SCN9A: variants seen among roughly 807,000 people sequenced by gnomAD.
The protein encoded by SCN9A is sodium channel protein type 9 subunit alpha.
SCN9A carries 131 observed loss-of-function variants against 187.0 expected under a neutral mutation model. The ratio of observed to expected loss-of-function variants is 0.70; its 90% CI spans 0.61 to 0.81. The LOEUF (loss-of-function observed/expected upper bound fraction) is 0.81. Ranked by LOEUF, SCN9A falls within the 30% of genes least tolerant of loss-of-function variation. The pLI is 0.00. For synonymous variants in SCN9A, 809 were observed against 808.6 expected (o/e 1.00, Z -0.01); for missense variants, 2,252 against 2,396.6 (o/e 0.94, Z 1.26).
Position 166,283,610 on chromosome 2 carries a change from T to G in SCN9A, c.1974+843A>C, listed in dbSNP as rs1023753549. On this transcript the variant is annotated intron_variant, in intron 12 of 26. Transcript: ENST00000642356. Reference sequence around the variant, plus strand: ...TTAGTGACTCGTAGACCTTTGGAACTGCTGTAAAATGATTGTTTTGCTTTT... The same window carrying G: ...TTAGTGACTCGTAGACCTTTGGAACGGCTGTAAAATGATTGTTTTGCTTTT... Among the ~76,000 whole-genome samples, 3 of 152,204 alleles carry G rather than the reference T, an allele frequency of 2.0e-5. No individual in the cohort carries two copies. The East Asian group carries it at 5.8e-4, about 29-fold the overall frequency.
rs200625860 is a variant in SCN9A, at chr2:166,198,455, C to T, written c.*217G>A. ...CTTTTGTATGCTATAATCAATAATTCCTACAGAGTTCTCTTACGATTCTTA... is the reference window on the plus strand; with the variant it reads ...CTTTTGTATGCTATAATCAATAATTTCTACAGAGTTCTCTTACGATTCTTA... On this transcript the variant is annotated 3_prime_UTR_variant, in exon 27 of 27. Transcript: ENST00000642356. 1.6e-4 allele frequency: 82 copies of T among 510,508 alleles called. 4 individuals are homozygous for T. In the South Asian group the frequency reaches 2.6e-3, roughly 16 times the overall value. The allele number at this position is 510,508 out of a possible 1,614,324, so 31.6% of individuals were successfully genotyped here.
chr2:166,340,725 A>G (rs1574944281), intron 1 of SCN9A, among the ~76,000 whole-genome samples: 1 of 150,512 alleles, frequency 6.6e-6, no homozygotes, highest in Non-Finnish European at 1.5e-5. Flanking sequence ...GATTCAAGTG[A>G]CCCTCCCACC....
chr2:166,353,166 C>G (rs1700079506), intron 1 of SCN9A, among the ~76,000 whole-genome samples: 1 of 149,638 alleles, frequency 6.7e-6, no homozygotes, highest in Admixed American at 6.7e-5. Context: ...TCCAGCCTGA[C>G]CAACATGATG....
chr2:166,228,125 T>G (rs1217581268), intron 22 of SCN9A, among the ~76,000 whole-genome samples: 1 of 152,030 alleles, frequency 6.6e-6, no homozygotes, highest in East Asian at 1.9e-4. Flanking sequence ...TGAAGCAATA[T>G]TTGAATGGTG....
intron 17 of SCN9A, among the ~76,000 whole-genome samples, chr2:166,270,382 T>C (rs776969423): frequency 7.2e-5 from 11 of 151,920 alleles, no homozygotes; most frequent in African/African-American, 1.2e-4. Flanking sequence ...CCATTTTATA[T>C]AAAGGAATTG....
chr2:166,278,086 C>A, intron 15 of SCN9A, 54 bp downstream of exon 15: 4 of 1,415,880 alleles, frequency 2.8e-6, no homozygotes, highest in East Asian at 2.5e-5. Flanking sequence ...AATGCAAAAC[C>A]AAAGAAATAC....
chr2:166,227,628 C>A (rs751875734), intron 23 of SCN9A, 42 bp downstream of exon 23: 2 of 1,136,942 alleles, frequency 1.8e-6, no homozygotes, highest in South Asian at 1.3e-5. Flanking sequence ...AACTAAGAAG[C>A]TTTTAAAAAT....
intron 17 of SCN9A, among the ~76,000 whole-genome samples, chr2:166,256,354 G>T (rs527472129): frequency 2.1e-4 from 32 of 149,144 alleles, no homozygotes; most frequent in Admixed American, 1.3e-3. Context: ...TTTTTGATAT[G>T]AAATTTCTCA....
At chr2:166,229,736 CCTTT>C (rs767051550) in intron 21 of SCN9A, among the ~76,000 whole-genome samples, 1 of 152,106 alleles carries the variant, frequency 6.6e-6, no homozygotes, top group Non-Finnish European at 1.5e-5. Flanking sequence ...TTTCTTTAAT[CCTTT>C]CTTTATTTCT....
chr2:166,288,635 A>T lies in SCN9A; in HGVS notation c.1116T>A (p.Arg372=), dbSNP rs1220975824. The change falls in exon 10 of 27, where the codon CGT becomes CGA. Residue 372 remains arginine, a synonymous_variant. Transcript: ENST00000642356. ...YWENLYQQTL[R]AAGKTYMIFF... ...AGATCATGTAGGTTTTGCCAGCAGC[A>T]CGCAGCGTCTAGGGAAAAATGGAAA... 1.3e-6 allele frequency: 2 copies of T among 1,586,786 alleles called. No individual in the cohort carries two copies. Among genetic ancestry groups the T allele is most frequent in the Admixed American group, 3.5e-5 (2 of 57,884 alleles).
intron 1 of SCN9A, among the ~76,000 whole-genome samples, chr2:166,325,777 C>T (rs966137213): frequency 1.3e-5 from 2 of 152,078 alleles, no homozygotes; most frequent in African/African-American, 2.4e-5. Flanking sequence ...CTCTGAGATT[C>T]TCATTTTACT....
chr2:166,271,894 G>A lies in SCN9A; in HGVS notation c.3351+505C>T, dbSNP rs181197098. On this transcript the variant is annotated intron_variant, in intron 17 of 26. Coordinates refer to ENST00000642356, the MANE Select transcript of SCN9A (RefSeq NM_001365536.1). ...AAAAGAAGAGAGAGAGAGAGAGAGC[G>A]ATACTTTGCGGATCATGGATACATC... 5.8e-3 allele frequency among the ~76,000 whole-genome samples: 882 copies of A among 152,088 alleles called. 5 individuals carry two copies. Among genetic ancestry groups the A allele is most frequent in the Non-Finnish European group, 9.8e-3 (664 of 67,980 alleles).
At chr2:166,205,316 A>G (rs1429547679) in intron 24 of SCN9A, 2 of 152,248 alleles carry the variant, frequency 1.3e-5, no homozygotes, top group Admixed American at 6.5e-5. Context: ...AAACAGATAC[A>G]TACACCAACA....
chr2:166,201,472 A>T (rs1693521727), intron 26 of SCN9A, among the ~76,000 whole-genome samples: 1 of 124,338 alleles, frequency 8.0e-6, no homozygotes, highest in Admixed American at 8.3e-5. Flanking sequence ...TATAGTATAG[A>T]GTATGCGTAT....
chr2:166,265,680 A>G (rs970678688), intron 17 of SCN9A, among the ~76,000 whole-genome samples: 6 of 151,924 alleles, frequency 3.9e-5, no homozygotes, highest in African/African-American at 1.4e-4. Context: ...ACATTCTCAC[A>G]ATCAGTGTGT....
chr2:166,347,495 A>C (rs1338793193), intron 1 of SCN9A, among the ~76,000 whole-genome samples: 2 of 152,164 alleles, frequency 1.3e-5, no homozygotes, highest in Non-Finnish European at 2.9e-5. Flanking sequence ...TACCTCATGT[A>C]CAAGATGTGT....
In SCN9A at chr2:166,198,958, G is replaced by A; in HGVS notation, c.5681C>T (p.Thr1894Ile). 1 of 1,614,004 alleles carries A rather than the reference G, an allele frequency of 6.2e-7. No individual in the cohort carries two copies. The highest frequency in any genetic ancestry group is 8.5e-7 in the Non-Finnish European group (1 of 1,179,904). The change falls in exon 27 of 27, where the codon ACT becomes ATT. Residue 1894 changes from threonine (T) to isoleucine (I), a missense_variant. Thr to Ile is a moderately conservative substitution (Grantham distance 89). Around this residue, in one of 7 missense-constraint regions of SCN9A, gnomAD observed 345 missense variants for 344.6 expected, o/e 1.00. Coordinates refer to ENST00000642356, the MANE Select transcript of SCN9A (RefSeq NM_001365536.1). ...LKRKQEDVSATVIQRAYRRYR... is the reference protein window; with the variant it reads ...LKRKQEDVSAIVIQRAYRRYR... ...ACGTCTATAAGCACGCTGAATGACA[G>A]TAGCAGACACATCCTCTTGTTTCCG...
chr2:166,343,296 A>G (rs1198352108), intron 1 of SCN9A, among the ~76,000 whole-genome samples: 3 of 152,154 alleles, frequency 2.0e-5, no homozygotes, highest in Non-Finnish European at 4.4e-5. Flanking sequence ...AGCTTTTAGG[A>G]GACTTTACAT....
At chr2:166,278,070 A>T in intron 15 of SCN9A, 70 bp downstream of exon 15, 7 of 1,322,716 alleles carry the variant, frequency 5.3e-6, no homozygotes, top group Non-Finnish European at 7.2e-6. Context: ...AAAAGTTTTT[A>T]AAAATAATGC....
Sources: gnomAD v4.1 joint callset for allele counts (sites outside exome capture counted in the v4.1 genomes callset) on GRCh38, gnomAD v4.1.1 for gene constraint, gnomAD v4.1.1 regional missense constraint, MANE v1.5 for transcripts, NCBI Gene and HGNC (gene_info 2026-07-23, HGNC 2026-07-21) for gene names.